Variants in C6 observed in about 807,000 individuals in gnomAD.
C6 encodes the protein complement component C6.
In C6, 101 loss-of-function variants were observed where a neutral mutation model predicts 112.9. The ratio of observed to expected loss-of-function variants is 0.89; its 90% CI spans 0.76 to 1.06. The LOEUF is 1.06. Ranked by LOEUF, C6 falls within the 50% of genes least tolerant of loss-of-function variation. The pLI is 0.00. For missense variants in C6, 1,202 were observed against 1,104.6 expected (o/e 1.09, Z -1.25); for synonymous variants, 431 against 384.1 (o/e 1.12, Z -1.43).
intron 4 of C6, among the ~76,000 whole-genome samples, chr5:41,196,855 T>C (rs1477148100): frequency 6.6e-6 from 1 of 152,118 alleles, no homozygotes; most frequent in Non-Finnish European, 1.5e-5. Flanking sequence ...ATAAGGATCC[T>C]TGGAATCAGT....
rs747256136 is a variant in C6, at chr5:41,203,155, G to T, written c.76C>A (p.His26Asn). The change falls in exon 2 of 18, where the codon CAC (histidine) becomes AAC (asparagine). Residue 26 changes from histidine to asparagine, a missense_variant. His to Asn is a moderately conservative substitution (Grantham distance 68). Coordinates refer to ENST00000337836, the MANE Select transcript of C6 (RefSeq NM_000065.5). ...INKGQACFCD[H>N]YAWTQWTSCS... ...CTGGTCCACTGAGTCCATGCATAGT[G>T]ATCACAGAAGCAGGCTTGGCCCTTG... 18 of 1,613,970 alleles carry T rather than the reference G, an allele frequency of 1.1e-5. No homozygotes were observed. In the East Asian group the frequency reaches 4.0e-4, roughly 36 times the overall value.
At chr5:41,183,997 G>C (rs1007468363) in intron 6 of C6, among the ~76,000 whole-genome samples, 5 of 150,510 alleles carry the variant, frequency 3.3e-5, no homozygotes, top group Admixed American at 6.6e-5. Context: ...GGGAGGGAGG[G>C]GCAAGAGTCG....
Position 41,213,407 on chromosome 5 carries a change from T to G in C6, c.-52A>C. On this transcript the variant is annotated 5_prime_UTR_variant, in exon 1 of 18. Transcript: ENST00000337836. ...GCAGAGTTTGTGGTGTCCTCGGACC[T>G]AAGCTGCAAATTATTGGGGAAAAAA... The G allele has an allele frequency of 1.0e-6, 1 of 985,384 alleles. No homozygotes were observed. Among genetic ancestry groups the G allele is most frequent in the Non-Finnish European group, 1.2e-6 (1 of 829,898 alleles). The allele number at this position is 985,384 out of a possible 1,614,324, so 61.0% of individuals were successfully genotyped here. A position where few individuals can be genotyped will look rare whatever the true frequency, so the allele number is the denominator to read the frequency against.
At chr5:41,209,244 A>G (rs943793297) in intron 1 of C6, among the ~76,000 whole-genome samples, 47 of 152,336 alleles carry the variant, frequency 3.1e-4, no homozygotes, top group African/African-American at 5.5e-4. Flanking sequence ...GCTATTTATG[A>G]CAAACCCACA....
intron 1 of C6, among the ~76,000 whole-genome samples, chr5:41,206,853 T>C (rs938631113): frequency 3.3e-5 from 5 of 152,122 alleles, no homozygotes; most frequent in African/African-American, 1.2e-4. Context: ...AGGCCAACAT[T>C]CAAATTCAGG....
intron 4 of C6, among the ~76,000 whole-genome samples, chr5:41,199,296 C>G (rs1750833592): frequency 6.6e-6 from 1 of 152,064 alleles, no homozygotes; most frequent in African/African-American, 2.4e-5. Flanking sequence ...GAACTATGGC[C>G]TGTAGGCTAA....
rs1446776612 is a variant in C6 at position 41,199,873 on chromosome 5, C to A, written c.340G>T (p.Gly114Ter). ...RSVLRPSQFG[G>*]QPCTAPLVAF... ...ACCAGAGGCGCAGTGCATGGCTGTC[C>A]CCCAAACTGACTGGGACGCAAGACA... Residue 114 changes from glycine (G) to a stop codon, truncating the protein, a stop_gained, in exon 4 of 18, where the codon GGA (glycine) becomes TGA (stop). Coordinates refer to ENST00000337836, the MANE Select transcript of C6 (RefSeq NM_000065.5). LOFTEE classifies it high-confidence loss of function. The A allele has an allele frequency of 7.4e-6, 12 of 1,613,634 alleles. No homozygotes were observed. The highest frequency in any genetic ancestry group is 1.0e-5 in the Non-Finnish European group (12 of 1,179,690).
chr5:41,247,144 C>T (rs1741068089), intron 1 of C6, among the ~76,000 whole-genome samples: 1 of 152,036 alleles, frequency 6.6e-6, no homozygotes, highest in Non-Finnish European at 1.5e-5. Flanking sequence ...TATGCTGATT[C>T]TACCTCTCTA....
At chr5:41,259,810 A>G (rs1291321553) in intron 1 of C6, among the ~76,000 whole-genome samples, 1 of 152,218 alleles carries the variant, frequency 6.6e-6, no homozygotes, top group Non-Finnish European at 1.5e-5. Flanking sequence ...TATTAAGAAT[A>G]GGGACACCGT....
chr5:41,197,875 C>T (rs1750727037), intron 4 of C6, among the ~76,000 whole-genome samples: 1 of 152,034 alleles, frequency 6.6e-6, no homozygotes, highest in Non-Finnish European at 1.5e-5. Flanking sequence ...AATTAAAGGA[C>T]AGTTTGAATA....
At chr5:41,182,136 C>G (rs940508865) in intron 6 of C6, among the ~76,000 whole-genome samples, 1 of 152,132 alleles carries the variant, frequency 6.6e-6, no homozygotes, top group Non-Finnish European at 1.5e-5. Flanking sequence ...CTGTTTACAA[C>G]TACTCTAGTC....
intron 1 of C6, chr5:41,203,575 T>G: frequency 1.6e-4 from 48 of 300,174 alleles, no homozygotes; most frequent in Admixed American, 2.6e-4. Context: ...TATACAGTCT[T>G]ACCCTTCTCA....
chr5:41,172,715 G>A (rs2150303032), intron 8 of C6: 2 of 364,394 alleles, frequency 5.5e-6, no homozygotes, highest in South Asian at 4.7e-5. Flanking sequence ...TCTATTGGCC[G>A]CTGCACTGTG....
intron 1 of C6, among the ~76,000 whole-genome samples, chr5:41,231,077 C>T (rs10036443): frequency 0.11 from 17,091 of 152,096 alleles, 1,935 homozygotes; most frequent in African/African-American, 0.29. Context: ...AATCTATGTG[C>T]ATCTTTAAAG....
At chr5:41,189,237 G>A (rs1181301840) in intron 5 of C6, among the ~76,000 whole-genome samples, 1 of 151,998 alleles carries the variant, frequency 6.6e-6, no homozygotes, top group Non-Finnish European at 1.5e-5. Context: ...AAAATTAAAT[G>A]TATAATTACC....
At chr5:41,249,845 C>T (rs112820437) in intron 1 of C6, among the ~76,000 whole-genome samples, 192 of 152,182 alleles carry the variant, frequency 1.3e-3, no homozygotes, top group African/African-American at 4.2e-3. Flanking sequence ...GACAGAATGA[C>T]TAACTTACAG....
rs112248907 is a variant in C6 at position 41,212,350 on chromosome 5, G to T, written c.-21+1026C>A. Among the ~76,000 whole-genome samples, 310 of 151,950 alleles carry T rather than the reference G, an allele frequency of 2.0e-3. 3 individuals are homozygous for T. The highest frequency in any genetic ancestry group is 6.9e-3 in the African/African-American group (286 of 41,466). On this transcript the variant is annotated intron_variant, in intron 1 of 17. Coordinates refer to ENST00000337836, the MANE Select transcript of C6 (RefSeq NM_000065.5). ...TAATTTTTGTATTTTTAGTGAACTC[G>T]GGGTTTCACCATTTTGGTCAGGCTC...
At chr5:41,216,833 G>A (rs144880175), upstream of C6, among the ~76,000 whole-genome samples, 81 of 152,174 alleles carry the variant, frequency 5.3e-4, no homozygotes, top group African/African-American at 1.9e-3. Context: ...GGATACTCTA[G>A]AGTTCACCTC....
At chr5:41,249,507 T>C (rs574464090) in intron 1 of C6, among the ~76,000 whole-genome samples, 1 of 152,352 alleles carries the variant, frequency 6.6e-6, no homozygotes, top group South Asian at 2.1e-4. Context: ...TTTAAAGCTC[T>C]AATTTTGAGA....
Sources: allele counts gnomAD v4.1 joint callset (sites outside exome capture counted in the v4.1 genomes callset), GRCh38; gene constraint gnomAD v4.1.1; transcripts MANE v1.5; gene names NCBI Gene and HGNC (gene_info 2026-07-23, HGNC 2026-07-21).